The following TUSC7 variants were observed in gnomAD, a reference collection of about 807,000 sequenced individuals.
TUSC7 encodes the protein LSAMP antisense RNA 3.
intron 1 of TUSC7, chr3:116,712,413 G>A (rs1474134828): frequency 6.6e-6 from 1 of 152,182 alleles, no homozygotes; most frequent in Non-Finnish European, 1.5e-5. Context: ...TGGCTGAGAA[G>A]TGATGGACAC....
intron 1 of TUSC7, among the ~76,000 whole-genome samples, chr3:116,715,959 G>A (rs1039207198): frequency 5.3e-5 from 8 of 152,122 alleles, no homozygotes; most frequent in Non-Finnish European, 8.8e-5. Context: ...TTATAAATGT[G>A]TTTCCAAGTT....
chr3:116,716,998 G>T (rs1163162800), intron 1 of TUSC7: 1 of 152,080 alleles, frequency 6.6e-6, no homozygotes, highest in Non-Finnish European at 1.5e-5. Context: ...ACTTCCATGT[G>T]GAAAACCTTC....
chr3:116,711,315 C>T (rs900539737), intron 1 of TUSC7, among the ~76,000 whole-genome samples: 9 of 152,122 alleles, frequency 5.9e-5, no homozygotes, highest in African/African-American at 1.7e-4. Context: ...CCTTACAGCA[C>T]AAAGTAGAGT....
At chr3:116,712,911 C>A (rs2051474442) in intron 1 of TUSC7, 1 of 152,122 alleles carries the variant, frequency 6.6e-6, no homozygotes, top group East Asian at 1.9e-4. Context: ...AATATTTGAG[C>A]TGTCTTTTTC....
intron 1 of TUSC7, chr3:116,712,463 C>T (rs1202827288): frequency 6.6e-6 from 1 of 152,122 alleles, no homozygotes; most frequent in Non-Finnish European, 1.5e-5. Context: ...CTTGGCACCT[C>T]TCTACCAGAA....
intron 1 of TUSC7, chr3:116,716,187 G>C (rs528216453): frequency 6.6e-6 from 1 of 152,322 alleles, no homozygotes; most frequent in African/African-American, 2.4e-5. Flanking sequence ...TTCTCATACA[G>C]AAGGCACCTC....
chr3:116,711,087 T>C (rs1398432544), intron 1 of TUSC7, among the ~76,000 whole-genome samples: 2 of 152,178 alleles, frequency 1.3e-5, no homozygotes, highest in African/African-American at 4.8e-5. Flanking sequence ...GATAAAGGTA[T>C]CAAGGGGAAG....
intron 1 of TUSC7, among the ~76,000 whole-genome samples, chr3:116,715,498 T>A (rs1053179168): frequency 1.3e-5 from 2 of 152,194 alleles, no homozygotes; most frequent in Non-Finnish European, 2.9e-5. Context: ...GTATTACCTG[T>A]GTTCAGGATT....
chr3:116,710,842 C>T (rs2107471057), intron 1 of TUSC7, among the ~76,000 whole-genome samples: 1 of 152,126 alleles, frequency 6.6e-6, no homozygotes, highest in South Asian at 2.1e-4. Flanking sequence ...CAGCACTGCC[C>T]TTACTATACC....
intron 1 of TUSC7, chr3:116,712,531 G>A (rs752312457): frequency 6.6e-6 from 1 of 152,166 alleles, no homozygotes; most frequent in Non-Finnish European, 1.5e-5. Flanking sequence ...TTAAAGAGAT[G>A]GAGGCAGTGA....
At chr3:116,714,545 A>G (rs2051488825) in intron 1 of TUSC7, among the ~76,000 whole-genome samples, 1 of 152,222 alleles carries the variant, frequency 6.6e-6, no homozygotes, top group Non-Finnish European at 1.5e-5. Flanking sequence ...CTGAACTTCT[A>G]AAACATCTCC....
chr3:116,712,662 C>A (rs972536524), intron 1 of TUSC7: 2 of 151,846 alleles, frequency 1.3e-5, no homozygotes, highest in Non-Finnish European at 2.9e-5. Context: ...AGAGAGGGAA[C>A]TTTTTAGAAT....
intron 1 of TUSC7, chr3:116,716,885 C>T (rs1312638777): frequency 6.6e-6 from 1 of 152,092 alleles, no homozygotes; most frequent in Non-Finnish European, 1.5e-5. Context: ...CAGCTTTAAT[C>T]CTTGAGTATA....
chr3:116,715,062 T>C (rs2051494413), intron 1 of TUSC7, among the ~76,000 whole-genome samples: 1 of 152,192 alleles, frequency 6.6e-6, no homozygotes, highest in Non-Finnish European at 1.5e-5. Flanking sequence ...TTCCAGAATG[T>C]TAATAGTTAG....
At chr3:116,711,233 G>T (rs1401078) in intron 1 of TUSC7, among the ~76,000 whole-genome samples, 42,187 of 151,998 alleles carry the variant, frequency 0.28, 6,321 homozygotes, top group South Asian at 0.51. Flanking sequence ...AGGGCATGCA[G>T]ATTTATTTTC....
At chr3:116,711,535 T>C (rs1431320588) in intron 1 of TUSC7, among the ~76,000 whole-genome samples, 1 of 152,162 alleles carries the variant, frequency 6.6e-6, no homozygotes, top group Non-Finnish European at 1.5e-5. Flanking sequence ...TCTCATTCTA[T>C]GATGTAGTCC....
chr3:116,712,575 G>A (rs1464208), intron 1 of TUSC7: 141,655 of 152,230 alleles, frequency 0.93, 66,732 homozygotes, highest in East Asian at 1. Context: ...CTAAATCTAT[G>A]TAGCTTGGCA....
chr3:116,710,643 C>T (rs1019560822), intron 1 of TUSC7, among the ~76,000 whole-genome samples: 2 of 152,064 alleles, frequency 1.3e-5, no homozygotes, highest in African/African-American at 2.4e-5. Flanking sequence ...TCATGCAATG[C>T]AAATTATTTT....
chr3:116,715,995 G>GA (rs1019417493), intron 1 of TUSC7, among the ~76,000 whole-genome samples: 39 of 152,084 alleles, frequency 2.6e-4, no homozygotes, highest in Admixed American at 1.4e-3. Flanking sequence ...ATCCTATTTT[G>GA]AAAAAAGTGC....
Sources: gnomAD v4.1 joint callset for allele counts (sites outside exome capture counted in the v4.1 genomes callset) on GRCh38, gnomAD v4.1.1 for gene constraint, MANE v1.5 for transcripts, NCBI Gene and HGNC (gene_info 2026-07-23, HGNC 2026-07-21) for gene names.